Variants in SEMA3E observed in about 807,000 individuals in gnomAD.
SEMA3E encodes semaphorin-3E.
In SEMA3E, 49 loss-of-function variants were observed where a neutral mutation model predicts 93.6. That is an observed-to-expected ratio of 0.52 (90% CI 0.42 to 0.66). The LOEUF (loss-of-function observed/expected upper bound fraction) is 0.66. Ranked by LOEUF, SEMA3E falls within the 30% of genes least tolerant of loss-of-function variation. SEMA3E has a pLI of 0.00. For synonymous variants in SEMA3E, 363 were observed against 330.7 expected, an observed-to-expected ratio of 1.10 and a Z score of -1.06; for missense variants, 906 against 964.8, an observed-to-expected ratio of 0.94 and a Z score of 0.81.
chr7:83,402,816 A>G (rs1310926617), intron 9 of SEMA3E, 40 bp from the exon 10 acceptor site: 1 of 1,583,412 alleles, frequency 6.3e-7, no homozygotes, highest in Non-Finnish European at 8.6e-7. Flanking sequence ...TCTGGAACTA[A>G]CTGCAGGTCA....
intron 2 of SEMA3E, among the ~76,000 whole-genome samples, chr7:83,480,322 A>G (rs961793360): frequency 7.9e-5 from 12 of 152,076 alleles, no homozygotes; most frequent in Non-Finnish European, 1.5e-4. Context: ...ACACACTTGT[A>G]GGGGCCAAGG....
At chr7:83,507,376 G>A (rs1226730655) in intron 1 of SEMA3E, among the ~76,000 whole-genome samples, 1 of 151,662 alleles carries the variant, frequency 6.6e-6, no homozygotes, top group Non-Finnish European at 1.5e-5. Flanking sequence ...ATTCTTCACA[G>A]TGCTTGCAGT....
chr7:83,624,036 C>T (rs1793620090), intron 1 of SEMA3E, among the ~76,000 whole-genome samples: 1 of 152,148 alleles, frequency 6.6e-6, no homozygotes, highest in Non-Finnish European at 1.5e-5. Context: ...CATCCATGTC[C>T]CTGCAAAGGG....
At chr7:83,582,447 C>T (rs1462874475) in intron 1 of SEMA3E, among the ~76,000 whole-genome samples, 1 of 151,982 alleles carries the variant, frequency 6.6e-6, no homozygotes, top group African/African-American at 2.4e-5. Context: ...CTCCTCAAGA[C>T]AATAAGATGG....
At chr7:83,616,771 C>A in intron 1 of SEMA3E, 1 of 447,614 alleles carries the variant, frequency 2.2e-6, no homozygotes, top group Non-Finnish European at 4.5e-6. Context: ...GTTGCCCAGG[C>A]TGCAGTGCAA....
In SEMA3E at chr7:83,610,735, A is replaced by G. The variant is rs373970975; in HGVS notation, c.115+37693T>C. Among the ~76,000 whole-genome samples, 3 of 152,212 alleles carry G rather than the reference A, an allele frequency of 2.0e-5. 1 individual carries two copies. The highest frequency in any genetic ancestry group is 1.9e-4 in the East Asian group (1 of 5,152). ...AAATGAGATGGGGAGGGACACAGACAGGGAAGACCACATGAAGAATGAAAT... is the reference window on the plus strand; with the variant it reads ...AAATGAGATGGGGAGGGACACAGACGGGGAAGACCACATGAAGAATGAAAT... On this transcript the variant is annotated intron_variant, in intron 1 of 16. Coordinates refer to ENST00000643230, the MANE Select transcript of SEMA3E (RefSeq NM_012431.3).
intron 11 of SEMA3E, among the ~76,000 whole-genome samples, chr7:83,398,937 C>A (rs1343971013): frequency 1.3e-5 from 2 of 151,904 alleles, no homozygotes; most frequent in African/African-American, 4.8e-5. Context: ...GAGCAGGACC[C>A]CAGCTCAGGA....
At chr7:83,494,549 G>T (rs1790449340) in intron 1 of SEMA3E, among the ~76,000 whole-genome samples, 1 of 151,842 alleles carries the variant, frequency 6.6e-6, no homozygotes, top group Non-Finnish European at 1.5e-5. Context: ...ATTAATGACT[G>T]CAATGAACAG....
At chr7:83,429,467 C>T (rs1584242989) in intron 4 of SEMA3E, among the ~76,000 whole-genome samples, 1 of 152,300 alleles carries the variant, frequency 6.6e-6, no homozygotes, top group Non-Finnish European at 1.5e-5. Context: ...GCCACGGTGT[C>T]CTAGAGTATT....
At chr7:83,605,748 G>C (rs1262727444) in intron 1 of SEMA3E, among the ~76,000 whole-genome samples, 1 of 152,048 alleles carries the variant, frequency 6.6e-6, no homozygotes, top group Non-Finnish European at 1.5e-5. Context: ...GTCTTCTTTT[G>C]AGAAGTGTCT....
chr7:83,462,202 AG>A (rs1204638910), intron 4 of SEMA3E: 1 of 152,204 alleles, frequency 6.6e-6, no homozygotes, highest in Non-Finnish European at 1.5e-5. Flanking sequence ...TAACTCTCAC[AG>A]TGGAAGGTAG....
At chr7:83,647,676 G>A (rs1794096997) in intron 1 of SEMA3E, among the ~76,000 whole-genome samples, 2 of 152,072 alleles carry the variant, frequency 1.3e-5, no homozygotes, top group South Asian at 4.1e-4. Flanking sequence ...TGCTTTACAA[G>A]ACAATTGTAG....
Position 83,442,042 on chromosome 7 carries a change from AT to A in SEMA3E, c.457-23560del, listed in dbSNP as rs761070304. 3.3e-5 allele frequency among the ~76,000 whole-genome samples: 5 copies of A among 152,310 alleles called. No homozygotes were observed. The East Asian group carries it at 9.7e-4, about 29-fold the overall frequency. ...GATTACTTTCAAATTAAATCTACAT[AT>A]TATGGAGAAAAAATGTAGAATGTAC... On this transcript the variant is annotated intron_variant, in intron 4 of 16. Transcript: ENST00000643230.
intron 1 of SEMA3E, among the ~76,000 whole-genome samples, chr7:83,631,805 A>G (rs1793791474): frequency 6.6e-6 from 1 of 152,226 alleles, no homozygotes; most frequent in Non-Finnish European, 1.5e-5. Flanking sequence ...CAGCAATCAA[A>G]TAAAATGGCA....
chr7:83,540,512 A>C (rs992347524), intron 1 of SEMA3E, among the ~76,000 whole-genome samples: 5 of 152,166 alleles, frequency 3.3e-5, no homozygotes, highest in African/African-American at 1.2e-4. Flanking sequence ...GCATGTACCT[A>C]TTCTAAATAG....
intron 1 of SEMA3E, among the ~76,000 whole-genome samples, chr7:83,499,090 G>C (rs931209869): frequency 2.6e-5 from 4 of 152,056 alleles, no homozygotes; most frequent in Admixed American, 6.6e-5. Context: ...TCAAAACTTA[G>C]AGAGGTTATA....
chr7:83,440,567 A>C (rs749875539), intron 4 of SEMA3E, among the ~76,000 whole-genome samples: 1 of 152,214 alleles, frequency 6.6e-6, no homozygotes, highest in Non-Finnish European at 1.5e-5. Context: ...ACCTACTAAC[A>C]GGCAGATCTT....
At position 83,406,598 on chromosome 7, in the gene SEMA3E, A is replaced by T. The variant is rs547994918; in HGVS notation, c.813+499T>A. Among the ~76,000 whole-genome samples the T allele has an allele frequency of 6.6e-5, 10 of 152,074 alleles. No individual in the cohort carries two copies. The East Asian group carries it at 1.2e-3, about 18-fold the overall frequency. ...CGAACATCTTCTTAAATGGCAAGGT[A>T]ACTTTACATTTGTAATTTTATTTGA... On this transcript the variant is annotated intron_variant, in intron 7 of 16. Transcript: ENST00000643230.
At chr7:83,606,302 A>T (rs2115563190) in intron 1 of SEMA3E, among the ~76,000 whole-genome samples, 1 of 152,318 alleles carries the variant, frequency 6.6e-6, no homozygotes, top group Admixed American at 6.5e-5. Flanking sequence ...ATATTTTAGC[A>T]ACTTGCCCAT....
Sources: gnomAD v4.1 joint callset for allele counts (sites outside exome capture counted in the v4.1 genomes callset) on GRCh38, gnomAD v4.1.1 for gene constraint, MANE v1.5 for transcripts, NCBI Gene and HGNC (gene_info 2026-07-23, HGNC 2026-07-21) for gene names.